Variants in SBF2 observed in about 807,000 individuals in gnomAD.
SBF2 encodes SET binding factor 2.
A neutral mutation model predicts 225.2 loss-of-function variants in SBF2; 112 were observed. The observed-to-expected ratio is 0.50, with a 90% CI of 0.43 to 0.58. The LOEUF (loss-of-function observed/expected upper bound fraction) is 0.58. Among genes scored for constraint, SBF2 ranks in the 20% least tolerant of loss-of-function variants. The pLI, the probability that SBF2 is intolerant of heterozygous loss-of-function variation, is 0.00. For missense variants in SBF2, 1,996 were observed against 2,206.2 expected, an observed-to-expected ratio of 0.90 and a Z score of 1.91; for synonymous variants, 763 against 773.3, an observed-to-expected ratio of 0.99 and a Z score of 0.22.
At chr11:9,974,981 A>AAAAAAAAAAAG (rs1946618807) in intron 13 of SBF2, among the ~76,000 whole-genome samples, 1 of 74,928 alleles carries the variant, frequency 1.3e-5, no homozygotes. Context: ...AAAAAAAAAA[A>AAAAAAAAAAAG]AAAAAAAGAA....
At chr11:10,189,176 CTAAATAATTACTTA>C (rs1002645894) in intron 2 of SBF2, among the ~76,000 whole-genome samples, 22 of 152,288 alleles carry the variant, frequency 1.4e-4, no homozygotes, top group African/African-American at 5.1e-4. Context: ...TATCTTTATT[CTAAATAATTACTTA>C]TAAATCTAGC....
At chr11:10,188,085 T>G (rs1008933419) in intron 2 of SBF2, among the ~76,000 whole-genome samples, 3 of 152,242 alleles carry the variant, frequency 2.0e-5, no homozygotes, top group Non-Finnish European at 4.4e-5. Context: ...CCGTATTCTT[T>G]CTACTGAACC....
At chr11:9,920,042 T>TA (rs1476079149) in intron 16 of SBF2, among the ~76,000 whole-genome samples, 11 of 151,874 alleles carry the variant, frequency 7.2e-5, no homozygotes, top group South Asian at 4.2e-4. Flanking sequence ...TCTTCTTTTT[T>TA]AAAAAAAACT....
chr11:9,785,072 C>T (rs1852281769), intron 37 of SBF2, 53 bp downstream of exon 37: 1 of 1,535,872 alleles, frequency 6.5e-7, no homozygotes, highest in African/African-American at 1.4e-5. Context: ...GTGGTTTAGC[C>T]TCAGGTGCTG....
intron 14 of SBF2, among the ~76,000 whole-genome samples, chr11:9,965,216 G>A (rs917192590): frequency 6.6e-6 from 1 of 150,950 alleles, no homozygotes; most frequent in African/African-American, 2.4e-5. Flanking sequence ...TACCTAAGAA[G>A]AAAGACTATC....
rs1158473241 is a variant in SBF2 at position 9,795,825 on chromosome 11, A to G, written c.4570+6T>C. 1 of 1,613,436 alleles carries G rather than the reference A, an allele frequency of 6.2e-7. No homozygotes were observed. The highest frequency in any genetic ancestry group is 1.3e-5 in the African/African-American group (1 of 74,952). Reference sequence around the variant, plus strand: ...AAAGATGAAACAAGGGCATACAGACACATACCGTGCTCTAATCTTTCATAG... The same window carrying G: ...AAAGATGAAACAAGGGCATACAGACGCATACCGTGCTCTAATCTTTCATAG... On this transcript the variant is annotated splice_donor_region_variant and intron_variant, in intron 33 of 39. Coordinates refer to ENST00000256190, the MANE Select transcript of SBF2 (RefSeq NM_030962.4).
At chr11:10,122,255 T>TA (rs1238030217) in intron 2 of SBF2, among the ~76,000 whole-genome samples, 2 of 152,154 alleles carry the variant, frequency 1.3e-5, no homozygotes, top group Admixed American at 6.5e-5. Context: ...ACAGTGTATA[T>TA]AGTAAGTGTT....
intron 16 of SBF2, chr11:9,960,884 T>C (rs1167876880): frequency 1.3e-5 from 2 of 152,118 alleles, no homozygotes; most frequent in Admixed American, 6.5e-5. Context: ...AGGCTGGTTT[T>C]GGACTCCTGA....
intron 1 of SBF2, among the ~76,000 whole-genome samples, chr11:10,233,575 G>T (rs1958944254): frequency 7.1e-6 from 1 of 141,290 alleles, no homozygotes; most frequent in African/African-American, 2.6e-5. Flanking sequence ...CTCTCTCAAA[G>T]ATTCTGTATC....
chr11:10,215,540 T>C (rs1008576206), intron 1 of SBF2, among the ~76,000 whole-genome samples: 1 of 152,142 alleles, frequency 6.6e-6, no homozygotes, highest in Non-Finnish European at 1.5e-5. Context: ...GGAGGATCGC[T>C]TGAGCCCAGG....
At chr11:9,901,575 A>G (rs1314319633) in intron 16 of SBF2, among the ~76,000 whole-genome samples, 1 of 152,212 alleles carries the variant, frequency 6.6e-6, no homozygotes, top group Non-Finnish European at 1.5e-5. Flanking sequence ...CAGATTATAA[A>G]CACGACCTAA....
intron 2 of SBF2, 133 bp from the exon 3 acceptor site, chr11:10,043,114 TA>T (rs1020496510): frequency 2.4e-5 from 20 of 830,124 alleles, no homozygotes; most frequent in African/African-American, 3.5e-5. Flanking sequence ...AGCCAACATT[TA>T]AAAAAAAGTT....
chr11:10,238,206 C>T (rs1462968840), intron 1 of SBF2, among the ~76,000 whole-genome samples: 1 of 152,010 alleles, frequency 6.6e-6, no homozygotes. Flanking sequence ...TCCAGGAGCT[C>T]GAGATCAGCC....
chr11:10,042,689 C>T (rs1429109879), intron 3 of SBF2, among the ~76,000 whole-genome samples, 155 bp downstream of exon 3: 1 of 152,170 alleles, frequency 6.6e-6, no homozygotes, highest in Non-Finnish European at 1.5e-5. Flanking sequence ...TAACATGTTG[C>T]TCTCCTCTCC....
At chr11:10,131,837 T>C (rs559879883) in intron 2 of SBF2, among the ~76,000 whole-genome samples, 2 of 152,344 alleles carry the variant, frequency 1.3e-5, no homozygotes, top group East Asian at 1.9e-4. Context: ...ACAGGGTATT[T>C]AGCACAGCAA....
intron 36 of SBF2, among the ~76,000 whole-genome samples, chr11:9,786,207 C>T (rs1394237666): frequency 1.3e-5 from 2 of 152,070 alleles, no homozygotes; most frequent in East Asian, 1.9e-4. Flanking sequence ...CGTATGCCAA[C>T]GTGGAGTGAA....
intron 23 of SBF2, 80 bp downstream of exon 23, chr11:9,846,876 T>G: frequency 6.7e-7 from 1 of 1,498,042 alleles, no homozygotes; most frequent in Non-Finnish European, 9.3e-7. Flanking sequence ...TCTGAGCACA[T>G]GACCACACAA....
chr11:9,873,220 A>G (rs1225934518), intron 17 of SBF2, among the ~76,000 whole-genome samples: 1 of 151,464 alleles, frequency 6.6e-6, no homozygotes, highest in South Asian at 2.1e-4. Flanking sequence ...AAAAAAAAAA[A>G]AAAAAAAAAA....
chr11:10,178,724 G>A (rs1956586061), intron 2 of SBF2, among the ~76,000 whole-genome samples: 2 of 143,940 alleles, frequency 1.4e-5, no homozygotes, highest in African/African-American at 5.2e-5. Flanking sequence ...GGAGAAATAG[G>A]AACACTTTTA....
Sources: gnomAD v4.1 joint callset for allele counts (sites outside exome capture counted in the v4.1 genomes callset) on GRCh38, gnomAD v4.1.1 for gene constraint, MANE v1.5 for transcripts, NCBI Gene and HGNC (gene_info 2026-07-23, HGNC 2026-07-21) for gene names.